ATL1: variants seen among roughly 807,000 people sequenced by gnomAD.
ATL1 encodes the protein atlastin GTPase 1.
ATL1 carries 31 observed loss-of-function variants against 75.5 expected under a neutral mutation model. The observed-to-expected ratio is 0.41, with a 90% CI of 0.31 to 0.55. The LOEUF (loss-of-function observed/expected upper bound fraction) is 0.55. ATL1 is among the 20% of genes least tolerant of loss of function. The pLI is 0.27. For synonymous variants in ATL1, 226 were observed against 233.3 expected (o/e 0.97, Z 0.28); for missense variants, 405 against 662.6 (o/e 0.61, Z 4.27).
intron 1 of ATL1, among the ~76,000 whole-genome samples, chr14:50,543,852 T>G (rs1595567251): frequency 1.3e-5 from 2 of 152,214 alleles, no homozygotes; most frequent in East Asian, 3.8e-4. Context: ...GGATTGGACT[T>G]GGTGAGTTTG....
chr14:50,548,245 A>G (rs1449158934), intron 1 of ATL1, among the ~76,000 whole-genome samples: 7 of 152,352 alleles, frequency 4.6e-5, no homozygotes, highest in Non-Finnish European at 8.8e-5. Flanking sequence ...TTACTGGGCT[A>G]CTGGAGGATA....
At chr14:50,608,894 TAGC>T (rs2039338174) in intron 6 of ATL1, among the ~76,000 whole-genome samples, 1 of 152,082 alleles carries the variant, frequency 6.6e-6, no homozygotes. Context: ...TATTTAAAGT[TAGC>T]AGACTACTTA....
At chr14:50,575,591 G>A (rs949708880) in intron 1 of ATL1, among the ~76,000 whole-genome samples, 7 of 152,082 alleles carry the variant, frequency 4.6e-5, no homozygotes, top group African/African-American at 7.2e-5. Flanking sequence ...TTCTCTTTAA[G>A]TTCTACTGCT....
Position 50,628,703 on chromosome 14 carries a change from A to G in ATL1, c.1551+241A>G, listed in dbSNP as rs140173855. 7.8e-3 allele frequency: 5,105 copies of G among 653,908 alleles called. 42 individuals are homozygous for G. The highest frequency in any genetic ancestry group is 0.011 in the Non-Finnish European group (3,928 of 351,458). The allele number at this position is 653,908 out of a possible 1,614,324, so 40.5% of individuals were successfully genotyped here. A position where few individuals can be genotyped will look rare whatever the true frequency, so the allele number is the denominator to read the frequency against. On this transcript the variant is annotated intron_variant, in intron 12 of 13. Transcript: ENST00000358385. ...TTAAAAAAATATACATCAGTTTAGTAGTATATATACTTTTTTTTCTTTTTT... is the reference window on the plus strand; with the variant it reads ...TTAAAAAAATATACATCAGTTTAGTGGTATATATACTTTTTTTTCTTTTTT...
At chr14:50,582,135 A>G (rs2140195561) in intron 1 of ATL1, among the ~76,000 whole-genome samples, 1 of 151,986 alleles carries the variant, frequency 6.6e-6, no homozygotes, top group African/African-American at 2.4e-5. Flanking sequence ...ACAAAAAATT[A>G]GCCGGGCATG....
intron 6 of ATL1, among the ~76,000 whole-genome samples, chr14:50,610,562 G>A (rs1170631690): frequency 6.6e-6 from 1 of 152,046 alleles, no homozygotes; most frequent in Non-Finnish European, 1.5e-5. Flanking sequence ...GACAGTGAAA[G>A]GATTTTTGAT....
At chr14:50,591,744 CAT>C in intron 4 of ATL1, 105 bp downstream of exon 4, 1 of 835,312 alleles carries the variant, frequency 1.2e-6, no homozygotes, top group Admixed American at 2.0e-5. Flanking sequence ...AATTGGGAAT[CAT>C]ATATATTGTT....
At chr14:50,548,028 A>T (rs772306377) in intron 1 of ATL1, among the ~76,000 whole-genome samples, 8 of 152,132 alleles carry the variant, frequency 5.3e-5, no homozygotes, top group Non-Finnish European at 8.8e-5. Flanking sequence ...GCAGATGTGG[A>T]GACTACCCTA....
At position 50,533,552 on chromosome 14, in the gene ATL1, G is replaced by A. The variant is rs200670568; in HGVS notation, c.-140+185G>A. On this transcript the variant is annotated intron_variant, in intron 1 of 13. Coordinates refer to the ATL1 transcript ENST00000441560. The stretch of plus-strand genomic sequence containing the variant: ...GTTTTGCAGTTTCAGTTCCAGTCTT[G>A]CTCTGAAGGTAGAAATTAAGTTGCC... 1.5e-4 allele frequency among the ~76,000 whole-genome samples: 23 copies of A among 152,250 alleles called. No homozygotes were observed. In the East Asian group the frequency reaches 4.3e-3, roughly 28 times the overall value.
intron 1 of ATL1, among the ~76,000 whole-genome samples, chr14:50,581,787 T>C (rs2039057390): frequency 1.3e-5 from 2 of 152,182 alleles, no homozygotes; most frequent in African/African-American, 2.4e-5. Flanking sequence ...GAATGTGTGG[T>C]TCTATAATTA....
chr14:50,590,365 TTCAGAA>T (rs1449094915), intron 2 of ATL1, among the ~76,000 whole-genome samples: 1 of 152,282 alleles, frequency 6.6e-6, no homozygotes, highest in African/African-American at 2.4e-5. Flanking sequence ...TACAAGGTCT[TTCAGAA>T]TCTGGCTGTC....
At chr14:50,623,886 A>G (rs929026275) in intron 11 of ATL1, among the ~76,000 whole-genome samples, 1 of 148,690 alleles carries the variant, frequency 6.7e-6, no homozygotes, top group Non-Finnish European at 1.5e-5. Context: ...CCCTCTCTCT[A>G]CTAAAATAAC....
intron 1 of ATL1, among the ~76,000 whole-genome samples, chr14:50,574,937 G>GTGTATATATATA (rs1475087119): frequency 3.5e-4 from 8 of 23,158 alleles, no homozygotes; most frequent in African/African-American, 1.1e-3. Context: ...GTGTGTGTGT[G>GTGTATATATATA]TATATATATA....
chr14:50,580,496 T>G (rs554920136), intron 1 of ATL1, among the ~76,000 whole-genome samples: 8 of 152,308 alleles, frequency 5.3e-5, no homozygotes, highest in African/African-American at 1.4e-4. Context: ...GTCTCTGTTA[T>G]GCAATGTGGT....
At chr14:50,595,984 C>T (rs1766048825) in intron 6 of ATL1, among the ~76,000 whole-genome samples, 1 of 151,750 alleles carries the variant, frequency 6.6e-6, no homozygotes, top group African/African-American at 2.4e-5. Context: ...ATTAAACATC[C>T]AGCCATATCT....
chr14:50,540,563 A>G (rs904758684), intron 1 of ATL1, among the ~76,000 whole-genome samples: 1 of 152,184 alleles, frequency 6.6e-6, no homozygotes, highest in Admixed American at 6.5e-5. Flanking sequence ...GGAATGGGTG[A>G]TTCTCATACA....
At chr14:50,566,056 G>A (rs1012220053) in intron 1 of ATL1, among the ~76,000 whole-genome samples, 27 of 152,150 alleles carry the variant, frequency 1.8e-4, no homozygotes, top group Non-Finnish European at 1.5e-5. Flanking sequence ...GGAGTGCAAT[G>A]GTGCAATCTC....
intron 11 of ATL1, among the ~76,000 whole-genome samples, chr14:50,624,724 T>A (rs2934677): frequency 0.69 from 105,139 of 151,670 alleles, 36,878 homozygotes; most frequent in East Asian, 0.83. Flanking sequence ...TTTGCACCAA[T>A]TAGTTAGCCA....
At chr14:50,591,989 T>C (rs1172715135) in intron 4 of ATL1, among the ~76,000 whole-genome samples, 11 of 152,218 alleles carry the variant, frequency 7.2e-5, no homozygotes, top group Admixed American at 7.2e-4. Context: ...AATGAAACAG[T>C]GTTTATAAAT....
Sources: allele counts gnomAD v4.1 joint callset (sites outside exome capture counted in the v4.1 genomes callset), GRCh38; gene constraint gnomAD v4.1.1; transcripts MANE v1.5; gene names NCBI Gene and HGNC (gene_info 2026-07-23, HGNC 2026-07-21).